DLC1: variants seen among roughly 807,000 people sequenced by gnomAD.
DLC1 encodes DLC1 Rho GTPase activating protein.
A neutral mutation model predicts 140.3 loss-of-function variants in DLC1; 54 were observed. That is an observed-to-expected ratio of 0.38 (90% CI 0.31 to 0.48). The LOEUF is 0.48. DLC1 is among the 20% of genes least tolerant of loss of function. The probability of loss-of-function intolerance (pLI) is 0.96; values close to 1 mark genes in which losing one functional copy is unlikely to be tolerated. For missense variants in DLC1, 2,536 were observed against 1,907.0 expected (o/e 1.33, Z -6.14); for synonymous variants, 986 against 728.1 (o/e 1.35, Z -5.70).
At chr8:13,135,125 G>A (rs916600519) in intron 5 of DLC1, among the ~76,000 whole-genome samples, 1 of 151,978 alleles carries the variant, frequency 6.6e-6, no homozygotes, top group Non-Finnish European at 1.5e-5. Context: ...GGGAGGCCAG[G>A]AAAGTAAAAG....
chr8:13,337,377 T>G (rs537428353), intron 4 of DLC1, among the ~76,000 whole-genome samples: 1 of 152,202 alleles, frequency 6.6e-6, no homozygotes. Context: ...TAATTAAGGA[T>G]GAATTTACTA....
rs148424532 is a variant in DLC1, at chr8:13,537,436, T to C, written c.-125-37240A>G. Among the ~76,000 whole-genome samples, 777 of 152,228 alleles carry C rather than the reference T, an allele frequency of 5.1e-3. 4 individuals are homozygous for C. The highest frequency in any genetic ancestry group is 0.018 in the African/African-American group (730 of 41,528). ...ACACTGAAAATGTCTGAAATGCAGCTGAGAATCCCACATAATATATCCAAA... is the reference window on the plus strand; with the variant it reads ...ACACTGAAAATGTCTGAAATGCAGCCGAGAATCCCACATAATATATCCAAA... On this transcript the variant is annotated intron_variant, in intron 1 of 1. Transcript: ENST00000631382.
chr8:13,534,132 A>G (rs1299747968), intron 1 of DLC1, among the ~76,000 whole-genome samples: 1 of 152,172 alleles, frequency 6.6e-6, no homozygotes, highest in East Asian at 1.9e-4. Context: ...CTGTTTAGAT[A>G]TCACTCATTT....
intron 5 of DLC1, among the ~76,000 whole-genome samples, chr8:13,118,213 A>G (rs566294057): frequency 2.6e-5 from 4 of 152,104 alleles, no homozygotes; most frequent in East Asian, 1.9e-4. Context: ...AACAAATAAA[A>G]TGACTCCAAA....
At chr8:13,291,251 G>A (rs2117461890) in intron 5 of DLC1, among the ~76,000 whole-genome samples, 1 of 152,208 alleles carries the variant, frequency 6.6e-6, no homozygotes, top group East Asian at 1.9e-4. Context: ...CCCAAGAGAA[G>A]GTGTAAAGAC....
chr8:13,439,876 AC>A (rs1798410385), intron 2 of DLC1, among the ~76,000 whole-genome samples: 1 of 152,168 alleles, frequency 6.6e-6, no homozygotes, highest in African/African-American at 2.4e-5. Context: ...AGTTTTAAAC[AC>A]AATCGCCTCA....
intron 5 of DLC1, among the ~76,000 whole-genome samples, chr8:13,166,904 A>G (rs930984430): frequency 6.6e-6 from 1 of 152,128 alleles, no homozygotes; most frequent in Non-Finnish European, 1.5e-5. Context: ...TGGAGAAAAT[A>G]CCTTATTTTT....
intron 1 of DLC1, among the ~76,000 whole-genome samples, chr8:13,535,281 G>T (rs976250705): frequency 6.6e-6 from 1 of 152,076 alleles, no homozygotes; most frequent in Non-Finnish European, 1.5e-5. Flanking sequence ...AGGTTGTCAG[G>T]AAGGAAGGCC....
chr8:13,146,033 C>T (rs907487986), intron 5 of DLC1, among the ~76,000 whole-genome samples: 8 of 152,206 alleles, frequency 5.3e-5, no homozygotes, highest in Non-Finnish European at 1.0e-4. Context: ...AATCCCAGCA[C>T]TTTGGGAGGC....
intron 2 of DLC1, among the ~76,000 whole-genome samples, chr8:13,417,035 C>T (rs888404719): frequency 1.3e-5 from 2 of 151,952 alleles, no homozygotes; most frequent in Non-Finnish European, 2.9e-5. Context: ...TGAGAGCAGT[C>T]GGGCTAGTTA....
At position 13,408,680 on chromosome 8, in the gene DLC1, A is replaced by G. The variant is rs575960418; in HGVS notation, c.1024-7061T>C. Reference sequence around the variant, plus strand: ...TTCATTTTAAGTGCTAAAATTAAAGATTGGCACTCAGGTCACTAAATACAT... The same window carrying G: ...TTCATTTTAAGTGCTAAAATTAAAGGTTGGCACTCAGGTCACTAAATACAT... On this transcript the variant is annotated intron_variant, in intron 2 of 17. Coordinates refer to ENST00000276297, the MANE Select transcript of DLC1 (RefSeq NM_182643.3). 2.4e-4 allele frequency among the ~76,000 whole-genome samples: 37 copies of G among 152,284 alleles called. No homozygotes were observed. The South Asian group carries it at 6.2e-3, about 26-fold the overall frequency.
At chr8:13,566,698 C>G (rs369696711) in intron 1 of DLC1, 7 of 392,518 alleles carry the variant, frequency 1.8e-5, no homozygotes, top group South Asian at 6.1e-5. Context: ...ACTTTAGCAC[C>G]AAAGAGAAGC....
chr8:13,234,032 G>A (rs903082159), intron 5 of DLC1, among the ~76,000 whole-genome samples: 88 of 152,084 alleles, frequency 5.8e-4, no homozygotes, highest in African/African-American at 2.1e-3. Context: ...AACAGAGTAT[G>A]CACAAGTCCA....
chr8:13,562,337 A>C (rs927636785), intron 1 of DLC1, among the ~76,000 whole-genome samples: 1 of 152,124 alleles, frequency 6.6e-6, no homozygotes, highest in Non-Finnish European at 1.5e-5. Flanking sequence ...AATAAATAAT[A>C]TTTCCAACAT....
At chr8:13,336,280 C>G (rs1306034999) in intron 4 of DLC1, among the ~76,000 whole-genome samples, 3 of 151,770 alleles carry the variant, frequency 2.0e-5, no homozygotes, top group Non-Finnish European at 4.4e-5. Context: ...TGCTTGACCC[C>G]AAGACACTGT....
chr8:13,558,910 T>A (rs1796415733), intron 1 of DLC1: 1 of 152,188 alleles, frequency 6.6e-6, no homozygotes, highest in African/African-American at 2.4e-5. Flanking sequence ...AAATTACAAA[T>A]GATTGGCTTT....
chr8:13,556,415 G>A (rs148843141), intron 1 of DLC1, among the ~76,000 whole-genome samples: 9 of 152,218 alleles, frequency 5.9e-5, no homozygotes, highest in African/African-American at 1.9e-4. Context: ...AAAACTTATT[G>A]GGATTCATCT....
intron 2 of DLC1, among the ~76,000 whole-genome samples, chr8:13,462,466 C>T (rs868296645): frequency 1.3e-5 from 2 of 149,568 alleles, no homozygotes; most frequent in South Asian, 4.2e-4. Flanking sequence ...TGCAGTGGCG[C>T]GATCTTGGCT....
At chr8:13,153,060 C>G (rs1047057805) in intron 5 of DLC1, among the ~76,000 whole-genome samples, 1 of 152,158 alleles carries the variant, frequency 6.6e-6, no homozygotes, top group African/African-American at 2.4e-5. Context: ...AAATTTTTAA[C>G]ATTCATACTG....
Sources: allele counts gnomAD v4.1 joint callset (sites outside exome capture counted in the v4.1 genomes callset), GRCh38; gene constraint gnomAD v4.1.1; transcripts MANE v1.5; gene names NCBI Gene and HGNC (gene_info 2026-07-23, HGNC 2026-07-21).